The following ZFPM2 variants were observed in gnomAD, a reference collection of about 807,000 sequenced individuals.
ZFPM2 encodes zinc finger protein, FOG family member 2.
ZFPM2 carries 20 observed loss-of-function variants against 98.6 expected under a neutral mutation model. That is an observed-to-expected ratio of 0.20 (90% confidence interval 0.14 to 0.29). The LOEUF is 0.29. Among genes scored for constraint, ZFPM2 ranks in the 10% least tolerant of loss-of-function variants. The probability of loss-of-function intolerance (pLI) is 1.00; values close to 1 mark genes in which losing one functional copy is unlikely to be tolerated. For synonymous variants in ZFPM2, 518 were observed against 502.7 expected (o/e 1.03, Z -0.41); for missense variants, 1,310 against 1,388.6 (o/e 0.94, Z 0.90).
At chr8:105,468,713 A>G (rs141428521) in intron 3 of ZFPM2, among the ~76,000 whole-genome samples, 197 of 152,326 alleles carry the variant, frequency 1.3e-3, no homozygotes, top group African/African-American at 4.4e-3. Context: ...TTTATTATGC[A>G]TATGCGGCAC....
At chr8:105,422,047 C>T (rs1262372895) in intron 2 of ZFPM2, among the ~76,000 whole-genome samples, 1 of 51,580 alleles carries the variant, frequency 1.9e-5, no homozygotes, top group Non-Finnish European at 4.1e-5. Flanking sequence ...GACTCCATCT[C>T]AAAAAAAAAA....
intron 1 of ZFPM2, among the ~76,000 whole-genome samples, chr8:105,394,170 A>G (rs1041854625): frequency 1.1e-4 from 17 of 151,934 alleles, no homozygotes; most frequent in Non-Finnish European, 1.5e-4. Flanking sequence ...TGGGATTACA[A>G]GCGTGAGCCA....
chr8:105,747,622 T>C (rs1284398095), intron 5 of ZFPM2, among the ~76,000 whole-genome samples: 2 of 152,088 alleles, frequency 1.3e-5, no homozygotes, highest in Non-Finnish European at 2.9e-5. Flanking sequence ...CTTTGGGCTA[T>C]AGCTTATCAA....
chr8:105,401,285 A>C (rs1235104587), intron 1 of ZFPM2, among the ~76,000 whole-genome samples: 8 of 152,016 alleles, frequency 5.3e-5, no homozygotes. Context: ...TTGGTATTCT[A>C]CTTAAAATTT....
chr8:105,496,463 G>T lies in ZFPM2; in HGVS notation c.301+52082G>T, dbSNP rs192747992. ...GGGTTTGTTTCTAATATTTTATCAT[G>T]ATTAGATTGAAGTTATGTGTTTGGG... On this transcript the variant is annotated intron_variant, in intron 3 of 7. Transcript: ENST00000407775. 9.9e-5 allele frequency among the ~76,000 whole-genome samples: 15 copies of T among 152,114 alleles called. No individual in the cohort carries two copies. The East Asian group carries it at 2.5e-3, about 26-fold the overall frequency.
rs1214056674 is a variant in ZFPM2, at chr8:105,598,072, T to TA, written c.421-36174_421-36173insA. On this transcript the variant is annotated intron_variant, in intron 4 of 7. Transcript: ENST00000407775. ...TTCTTGGAAAAAAAAAAACCTTTTTTTTTTTTTTTTTGGTCAGAAATAGCT... is the reference window on the plus strand; with the variant it reads ...TTCTTGGAAAAAAAAAAACCTTTTTTATTTTTTTTTTTGGTCAGAAATAGCT... Among the ~76,000 whole-genome samples the TA allele has an allele frequency of 2.0e-5, 3 of 150,840 alleles. No homozygotes were observed. The East Asian group carries it at 5.8e-4, about 29-fold the overall frequency.
chr8:105,565,711 G>A (rs762305518), intron 4 of ZFPM2, among the ~76,000 whole-genome samples: 1 of 152,200 alleles, frequency 6.6e-6, no homozygotes, highest in African/African-American at 2.4e-5. Context: ...TTACTAGTCA[G>A]TAATCTGTGG....
intron 1 of ZFPM2, among the ~76,000 whole-genome samples, chr8:105,374,888 CA>C (rs1810692771): frequency 6.8e-6 from 1 of 148,090 alleles, no homozygotes; most frequent in Admixed American, 6.7e-5. Context: ...GTAAAGACAA[CA>C]TTTTTTTTTT....
intron 5 of ZFPM2, among the ~76,000 whole-genome samples, chr8:105,736,474 C>CT (rs1343524256): frequency 6.6e-6 from 1 of 151,952 alleles, no homozygotes; most frequent in Admixed American, 6.6e-5. Flanking sequence ...AAAATAAAGA[C>CT]TTTTTTTCCC....
chr8:105,419,345 T>C (rs763675250), intron 2 of ZFPM2, 43 bp downstream of exon 2: 3 of 1,583,912 alleles, frequency 1.9e-6, no homozygotes, highest in Admixed American at 3.7e-5. Flanking sequence ...TCCACTTAAA[T>C]GATTTTGTAA....
At chr8:105,577,675 A>C (rs1459049659) in intron 4 of ZFPM2, among the ~76,000 whole-genome samples, 1 of 151,734 alleles carries the variant, frequency 6.6e-6, no homozygotes, top group African/African-American at 2.4e-5. Context: ...AGTGTAGAGC[A>C]TTTCATCTGT....
At chr8:105,489,446 T>TTTATATATATTTATAGATATATG (rs1813309625) in intron 3 of ZFPM2, among the ~76,000 whole-genome samples, 7 of 74,716 alleles carry the variant, frequency 9.4e-5, no homozygotes, top group African/African-American at 3.8e-4. Flanking sequence ...AGATATATGT[T>TTTATATATATTTATAGATATATG]TTTATATATA....
chr8:105,508,327 A>T (rs1446879899), intron 3 of ZFPM2, among the ~76,000 whole-genome samples: 1 of 152,098 alleles, frequency 6.6e-6, no homozygotes, highest in Non-Finnish European at 1.5e-5. Flanking sequence ...GTCCCGCCTG[A>T]TTAAGAGAAG....
intron 5 of ZFPM2, among the ~76,000 whole-genome samples, chr8:105,664,371 C>T (rs568940858): frequency 1.3e-5 from 2 of 148,544 alleles, no homozygotes; most frequent in Non-Finnish European, 3.0e-5. Context: ...GACAGAGTTT[C>T]GTTCTTGTTG....
intron 3 of ZFPM2, among the ~76,000 whole-genome samples, chr8:105,482,045 TG>T (rs1198973730): frequency 6.6e-6 from 1 of 152,198 alleles, no homozygotes; most frequent in East Asian, 1.9e-4. Flanking sequence ...GTCATCAGAT[TG>T]TGTAATGTTT....
rs376674044 is a variant in ZFPM2 at position 105,562,220 on chromosome 8, G to A, written c.420+739G>A. On this transcript the variant is annotated intron_variant, in intron 4 of 7. Coordinates refer to ENST00000407775, the MANE Select transcript of ZFPM2 (RefSeq NM_012082.4). The stretch of plus-strand genomic sequence containing the variant: ...AGCTACTCGGGAGGCTGAGGCAGGA[G>A]AATTGCTTGAACCCAGAAGGCAGAG... Among the ~76,000 whole-genome samples, 42 of 152,140 alleles carry A rather than the reference G, an allele frequency of 2.8e-4. No homozygotes were observed. In the East Asian group the frequency reaches 8.0e-3, roughly 29 times the overall value.
chr8:105,574,064 G>T (rs1405961824), intron 4 of ZFPM2, among the ~76,000 whole-genome samples: 1 of 152,132 alleles, frequency 6.6e-6, no homozygotes, highest in Non-Finnish European at 1.5e-5. Flanking sequence ...GAAAGTAAAT[G>T]ATTCATTCCT....
chr8:105,762,611 G>A (rs779525316), intron 5 of ZFPM2, among the ~76,000 whole-genome samples: 3 of 151,910 alleles, frequency 2.0e-5, no homozygotes, highest in Admixed American at 1.3e-4. Context: ...TAGAAATGGA[G>A]TTTCTATTCA....
Position 105,597,937 on chromosome 8 carries a change from C to T in ZFPM2, c.421-36309C>T, listed in dbSNP as rs187781249. ...AGGTGTGAGACATCAGATGAGAACTCAAAAGGATTAAATTCTGCTGGGGAT... is the reference window on the plus strand; with the variant it reads ...AGGTGTGAGACATCAGATGAGAACTTAAAAGGATTAAATTCTGCTGGGGAT... On this transcript the variant is annotated intron_variant, in intron 4 of 7. Transcript: ENST00000407775. Among the ~76,000 whole-genome samples, 61 of 151,804 alleles carry T rather than the reference C, an allele frequency of 4.0e-4. No individual in the cohort carries two copies. In the East Asian group the frequency reaches 0.011, roughly 27 times the overall value.
Sources: gnomAD v4.1 joint callset for allele counts (sites outside exome capture counted in the v4.1 genomes callset) on GRCh38, gnomAD v4.1.1 for gene constraint, MANE v1.5 for transcripts, NCBI Gene and HGNC (gene_info 2026-07-23, HGNC 2026-07-21) for gene names.